The following ZEB1 variants were observed in gnomAD, a reference collection of about 807,000 sequenced individuals.
The protein encoded by ZEB1 is zinc finger E-box binding homeobox 1.
In ZEB1, 21 loss-of-function variants were observed where a neutral mutation model predicts 84.9. The observed-to-expected ratio is 0.25, with a 90% confidence interval of 0.18 to 0.36. The LOEUF is 0.36. ZEB1 is among the 10% of genes least tolerant of loss of function. ZEB1 has a pLI of 1.00. For missense variants in ZEB1, 1,104 were observed against 1,330.2 expected (o/e 0.83, Z 2.65); for synonymous variants, 420 against 471.1 (o/e 0.89, Z 1.41).
chr10:31,452,742 TGA>T (rs35403055), intron 1 of ZEB1, among the ~76,000 whole-genome samples: 2,676 of 90,192 alleles, frequency 0.03, 40 homozygotes, highest in East Asian at 0.13. Flanking sequence ...TGTGTGTGTG[TGA>T]GAGAGAGAGA....
intron 2 of ZEB1, among the ~76,000 whole-genome samples, chr10:31,476,194 C>A (rs1215879615): frequency 1.3e-5 from 2 of 151,602 alleles, no homozygotes; most frequent in African/African-American, 2.4e-5. Flanking sequence ...AATGGATAAA[C>A]AAAATTGGTA....
At chr10:31,333,702 G>C (rs2037325688) in intron 1 of ZEB1, among the ~76,000 whole-genome samples, 1 of 151,988 alleles carries the variant, frequency 6.6e-6, no homozygotes, top group South Asian at 2.1e-4. Context: ...GCAGCAATAA[G>C]TGCAAATATA....
chr10:31,352,822 T>C (rs2041530333), intron 1 of ZEB1, among the ~76,000 whole-genome samples: 1 of 152,194 alleles, frequency 6.6e-6, no homozygotes, highest in South Asian at 2.1e-4. Flanking sequence ...GCCCATTCTG[T>C]TGATCAAAAC....
At chr10:31,457,029 CAT>C (rs1159267516) in intron 1 of ZEB1, among the ~76,000 whole-genome samples, 2 of 152,118 alleles carry the variant, frequency 1.3e-5, no homozygotes, top group African/African-American at 4.8e-5. Context: ...AGTTTAAATT[CAT>C]ATTATCTAAA....
intron 1 of ZEB1, among the ~76,000 whole-genome samples, chr10:31,372,112 A>G (rs1318122064): frequency 6.6e-6 from 1 of 152,116 alleles, no homozygotes; most frequent in African/African-American, 2.4e-5. Flanking sequence ...ATAGCTATCT[A>G]GTTATGTACA....
chr10:31,436,149 G>A (rs966975031), intron 1 of ZEB1, among the ~76,000 whole-genome samples: 24 of 152,272 alleles, frequency 1.6e-4, no homozygotes, highest in African/African-American at 5.8e-4. Context: ...ATGTATGGGA[G>A]TTTGGAATTT....
In ZEB1 at chr10:31,526,923, G is replaced by A; in HGVS notation, c.3037G>A (p.Gly1013Ser). ...GPEILSNEHVGARASPSQGDS... is the reference protein window; with the variant it reads ...GPEILSNEHVSARASPSQGDS... ...TGAAATCCTCTCGAATGAGCACGTG[G>A]GTGCCAGGGCGTCTCCCTCACAGGG... The change falls in exon 9 of 9, where the codon GGT becomes AGT. Residue 1013 changes from glycine to serine, a missense_variant. Gly to Ser is a moderately conservative substitution (Grantham distance 56, BLOSUM62 0). Around this residue, in one of 7 missense-constraint regions of ZEB1, gnomAD observed 173 missense variants for 167.0 expected, o/e 1.04. Coordinates refer to ENST00000424869, the MANE Select transcript of ZEB1 (RefSeq NM_001174096.2). The A allele has an allele frequency of 6.2e-7, 1 of 1,614,100 alleles. No individual in the cohort carries two copies. The highest frequency in any genetic ancestry group is 1.3e-5 in the African/African-American group (1 of 75,044).
At chr10:31,452,738 T>TGAGAGA (rs1328604524) in intron 1 of ZEB1, among the ~76,000 whole-genome samples, 1 of 101,052 alleles carries the variant, frequency 9.9e-6, no homozygotes, top group African/African-American at 7.1e-5. Flanking sequence ...TGTGTGTGTG[T>TGAGAGA]GTGTGAGAGA....
chr10:31,397,168 A>ATTG (rs2050927540), intron 1 of ZEB1, among the ~76,000 whole-genome samples: 1 of 140,106 alleles, frequency 7.1e-6, no homozygotes, highest in Admixed American at 7.2e-5. Flanking sequence ...TTTTATTATT[A>ATTG]TTATTATTAT....
Position 31,520,450 on chromosome 10 carries a change from A to C in ZEB1, c.1118A>C (p.Asn373Thr), listed in dbSNP as rs780560004. The change falls in exon 7 of 9, where the codon AAT (asparagine) becomes ACT (threonine). Residue 373 changes from asparagine (N) to threonine (T), a missense_variant. By Grantham distance (65) the Asn-to-Thr change is moderately conservative. This residue lies in a region of ZEB1 where 111 missense variants were observed against 161.8 expected (regional missense o/e 0.69). Coordinates refer to ENST00000424869, the MANE Select transcript of ZEB1 (RefSeq NM_001174096.2). The surrounding 1 kb of genome is among the most constrained non-coding windows in gnomAD (Gnocchi z 5.1). ...SGINCSTPLQ[N>T]GVFTGGGPLQ... ...ATCAACTGTTCAACCCCTTTACAAA[A>C]TGGGGTTTTCACTGGTGGTGGCCCA... The C allele has an allele frequency of 6.2e-7, 1 of 1,614,028 alleles. No individual in the cohort carries two copies. The highest frequency in any genetic ancestry group is 8.5e-7 in the Non-Finnish European group (1 of 1,179,956).
intron 1 of ZEB1, among the ~76,000 whole-genome samples, chr10:31,420,860 C>T (rs16932375): frequency 0.051 from 7,826 of 152,142 alleles, 583 homozygotes; most frequent in East Asian, 0.18. Context: ...TCTTTGATGA[C>T]TTCTTCACCA....
At chr10:31,495,292 A>G (rs551452378) in intron 2 of ZEB1, among the ~76,000 whole-genome samples, 6 of 152,230 alleles carry the variant, frequency 3.9e-5, no homozygotes, top group African/African-American at 1.4e-4. Flanking sequence ...ATAAAAATAT[A>G]TAATTCTACC....
At chr10:31,421,539 A>G (rs1197997570) in intron 1 of ZEB1, among the ~76,000 whole-genome samples, 1 of 152,060 alleles carries the variant, frequency 6.6e-6, no homozygotes, top group African/African-American at 2.4e-5. Flanking sequence ...TGGAGGGAGC[A>G]GTTCTCTTTT....
intron 2 of ZEB1, among the ~76,000 whole-genome samples, chr10:31,464,096 T>C (rs2062110537): frequency 6.6e-6 from 1 of 152,300 alleles, no homozygotes; most frequent in South Asian, 2.1e-4. Context: ...TAGTAGGAAT[T>C]TGAAATTCAG....
At chr10:31,494,767 G>A (rs1051149938) in intron 2 of ZEB1, among the ~76,000 whole-genome samples, 21 of 151,888 alleles carry the variant, frequency 1.4e-4, no homozygotes, top group Non-Finnish European at 2.1e-4. Context: ...TAAATAAAAT[G>A]TACCTGAAAA....
chr10:31,469,509 T>C (rs1364536005), intron 2 of ZEB1, among the ~76,000 whole-genome samples: 1 of 152,188 alleles, frequency 6.6e-6, no homozygotes, highest in Non-Finnish European at 1.5e-5. Context: ...TCTGACGGGC[T>C]TAAAAAACGG....
At chr10:31,369,044 A>G (rs983737750) in intron 1 of ZEB1, among the ~76,000 whole-genome samples, 2 of 152,130 alleles carry the variant, frequency 1.3e-5, no homozygotes, top group African/African-American at 2.4e-5. Flanking sequence ...AAGTGTTTCA[A>G]CTATTTCTTT....
chr10:31,377,286 A>G (rs1044837173), intron 1 of ZEB1, among the ~76,000 whole-genome samples: 1 of 151,656 alleles, frequency 6.6e-6, no homozygotes, highest in Non-Finnish European at 1.5e-5. Context: ...CTATCCTTCT[A>G]CTTAGGCTCT....
rs557708732 is a variant in ZEB1, at chr10:31,440,111, T to C, written c.59-20926T>C. On this transcript the variant is annotated intron_variant, in intron 1 of 8. Transcript: ENST00000424869. Reference sequence around the variant, plus strand: ...GAATATATTTTTATAGGTATTTCCTTCCAGAGTAGATGCATGGGATATGAG... The same window carrying C: ...GAATATATTTTTATAGGTATTTCCTCCCAGAGTAGATGCATGGGATATGAG... 6.6e-5 allele frequency among the ~76,000 whole-genome samples: 10 copies of C among 152,222 alleles called. 1 individual carries two copies. The highest frequency in any genetic ancestry group is 2.4e-4 in the African/African-American group (10 of 41,526).
Sources: allele counts gnomAD v4.1 joint callset (sites outside exome capture counted in the v4.1 genomes callset), GRCh38; gene constraint gnomAD v4.1.1; regional missense constraint gnomAD v4.1.1; non-coding constraint Gnocchi (gnomAD v3.1); transcripts MANE v1.5; gene names NCBI Gene and HGNC (gene_info 2026-07-23, HGNC 2026-07-21).